Variants in HECTD4 observed in about 807,000 individuals in gnomAD.
The protein encoded by HECTD4 is probable E3 ubiquitin-protein ligase HECTD4.
Under a neutral mutation model 471.5 loss-of-function variants are expected in HECTD4, and 114 were observed. That is an observed-to-expected ratio of 0.24 (90% CI 0.21 to 0.28). The LOEUF (loss-of-function observed/expected upper bound fraction) is 0.28, where lower values mean the gene tolerates loss of function less well. HECTD4 is among the 10% of genes least tolerant of loss of function. HECTD4 has a pLI of 1.00. For synonymous variants in HECTD4, 2,012 were observed against 2,256.0 expected (o/e 0.89, Z 3.07); for missense variants, 3,866 against 5,651.5 (o/e 0.68, Z 10.13).
intron 45 of HECTD4, among the ~76,000 whole-genome samples, chr12:112,217,670 T>A (rs960081246): frequency 2.0e-5 from 3 of 152,254 alleles, no homozygotes; most frequent in Non-Finnish European, 2.9e-5. Context: ...ATATATTTTT[T>A]AAAAAGTGTA....
intron 20 of HECTD4, 59 bp downstream of exon 20, chr12:112,258,437 T>C: frequency 8.1e-7 from 1 of 1,228,858 alleles, no homozygotes; most frequent in Non-Finnish European, 1.1e-6. Context: ...AAAGGAGTAC[T>C]ACGCTTTCAC....
chr12:112,381,926 C>T lies in HECTD4; in HGVS notation c.177+26G>A. 1 of 1,220,220 alleles carries T rather than the reference C, an allele frequency of 8.2e-7. No homozygotes were observed. Among genetic ancestry groups the T allele is most frequent in the South Asian group, 4.1e-5 (1 of 24,212 alleles). The allele number at this position is 1,220,220 out of a possible 1,614,324, so 75.6% of individuals were successfully genotyped here. A position where few individuals can be genotyped will look rare whatever the true frequency, so the allele number is the denominator to read the frequency against. ...CCGGGCGAGTGGGTCAGTCCGATGG[C>T]GGGGGCCGGGGGCCGCCTCGCTCAC... is the stretch of plus-strand genomic sequence containing the variant. On this transcript the variant is annotated intron_variant, in intron 1 of 75. Transcript: ENST00000682272. The surrounding 1 kb of genome is among the most constrained non-coding windows in gnomAD (Gnocchi z 4.1).
intron 6 of HECTD4, among the ~76,000 whole-genome samples, chr12:112,308,346 T>G (rs2035305822): frequency 6.6e-6 from 1 of 151,786 alleles, no homozygotes; most frequent in Admixed American, 6.6e-5. Context: ...TACACTCATT[T>G]CAAAGCTCCC....
intron 1 of HECTD4, among the ~76,000 whole-genome samples, chr12:112,323,978 CT>C (rs1224047981): frequency 5.4e-5 from 1 of 18,362 alleles, no homozygotes; most frequent in Non-Finnish European, 8.8e-5. Context: ...TCCTTCCTTC[CT>C]TCCTTCCTTC....
At position 112,228,238 on chromosome 12, in the gene HECTD4, C is replaced by T; in HGVS notation, c.6705G>A (p.Leu2235=). 1 of 1,607,078 alleles carries T rather than the reference C, an allele frequency of 6.2e-7. No individual in the cohort carries two copies. Among genetic ancestry groups the T allele is most frequent in the Non-Finnish European group, 8.5e-7 (1 of 1,177,706 alleles). Residue 2235 remains leucine (L), a synonymous_variant, in exon 43 of 76, where the codon CTG becomes CTA. Transcript: ENST00000682272. The surrounding 1 kb of genome is among the most constrained non-coding windows in gnomAD (Gnocchi z 4.9). The stretch of plus-strand genomic sequence containing the variant: ...CCTGTACTACCTTCTCAGTAATGGA[C>T]AGTTTATGAAGAGGCAATGCCTGAT... ...PRSEALPLHK[L]SITEKVVQAV... is the part of the protein sequence containing the mutation.
Position 112,256,406 on chromosome 12 carries a change from A to C in HECTD4, c.3241T>G (p.Phe1081Val). ...TVHPVRDNYKFKETVHIPGAR... is the reference protein window; with the variant it reads ...TVHPVRDNYKVKETVHIPGAR... ...CCTGGGATATGGACCGTTTCTTTAAATTTATAGTTGTCTCTGACGGGGTGG... is the reference window on the plus strand; with the variant it reads ...CCTGGGATATGGACCGTTTCTTTAACTTTATAGTTGTCTCTGACGGGGTGG... Residue 1081 changes from phenylalanine to valine, a missense_variant, in exon 21 of 76, where the codon TTT becomes GTT. Transcript: ENST00000682272. 1 of 1,613,300 alleles carries C rather than the reference A, an allele frequency of 6.2e-7. No homozygotes were observed.
chr12:112,330,047 T>C (rs77502429), intron 1 of HECTD4, among the ~76,000 whole-genome samples: 23,743 of 151,902 alleles, frequency 0.16, 2,494 homozygotes, highest in African/African-American at 0.3. Flanking sequence ...GAGGCCAAGG[T>C]GGGCAGATCA....
intron 1 of HECTD4, among the ~76,000 whole-genome samples, chr12:112,356,719 C>A (rs2036345224): frequency 6.6e-6 from 1 of 152,156 alleles, no homozygotes. Context: ...AGGCATGAGC[C>A]ACCAGGTCAG....
In HECTD4 at chr12:112,247,480, T is replaced by C. The variant is rs767376639; in HGVS notation, c.4319A>G (p.Asn1440Ser). Residue 1440 changes from asparagine (N) to serine (S), a missense_variant, in exon 28 of 76, where the codon AAC becomes AGC. Around this residue, in one of 16 missense-constraint regions of HECTD4, gnomAD observed 281 missense variants for 499.9 expected, o/e 0.56. Transcript: ENST00000682272. The stretch of plus-strand genomic sequence containing the variant: ...GACTAACCTCAGTGATAGGACCATG[T>C]TTTCAAGATCATTCCCATCAAAGGA... ...EVSFDGNDLENMVLSLREKFL... is the reference protein window; with the variant it reads ...EVSFDGNDLESMVLSLREKFL... 66 of 1,535,714 alleles carry C rather than the reference T, an allele frequency of 4.3e-5. No individual in the cohort carries two copies. The highest frequency in any genetic ancestry group is 5.5e-5 in the Non-Finnish European group (63 of 1,135,476).
At chr12:112,242,595 C>G (rs2033664397) in intron 32 of HECTD4, among the ~76,000 whole-genome samples, 1 of 143,694 alleles carries the variant, frequency 7.0e-6, no homozygotes, top group African/African-American at 2.6e-5. Context: ...GCCTGGGTGA[C>G]AGAACGAGAA....
At chr12:112,266,762 G>T (rs1020149413) in intron 14 of HECTD4, 150 bp downstream of exon 14, 2 of 622,828 alleles carry the variant, frequency 3.2e-6, no homozygotes, top group African/African-American at 3.8e-5. Flanking sequence ...GATTACAGGT[G>T]TGAGCCACCG....
chr12:112,346,520 T>G (rs1005785852), intron 1 of HECTD4, among the ~76,000 whole-genome samples: 5 of 152,186 alleles, frequency 3.3e-5, no homozygotes, highest in Admixed American at 1.3e-4. Flanking sequence ...ATAAACTGGC[T>G]CTCATTGCAA....
intron 58 of HECTD4, 24 bp from the exon 59 acceptor site, chr12:112,192,789 G>T (rs1308858748): frequency 2.6e-6 from 4 of 1,538,554 alleles, no homozygotes; most frequent in Non-Finnish European, 3.5e-6. Flanking sequence ...ATGGGTGGGT[G>T]TTAATACAGG....
chr12:112,367,326 GA>G (rs2036583269), intron 1 of HECTD4, among the ~76,000 whole-genome samples: 1 of 149,622 alleles, frequency 6.7e-6, no homozygotes, highest in East Asian at 2.0e-4. Flanking sequence ...AAGAAAGAAA[GA>G]AAGAAAGAAA....
chr12:112,262,002 A>T (rs1358149898), intron 17 of HECTD4: 1 of 152,304 alleles, frequency 6.6e-6, no homozygotes, highest in Non-Finnish European at 1.5e-5. Context: ...CAGGCTATTA[A>T]ACATTAAAAT....
At chr12:112,367,257 C>A in intron 1 of HECTD4, among the ~76,000 whole-genome samples, 1 of 148,128 alleles carries the variant, frequency 6.8e-6, no homozygotes. Context: ...CGAGATTGTG[C>A]CACTGCACTC....
intron 1 of HECTD4, among the ~76,000 whole-genome samples, chr12:112,323,649 G>C (rs1240827855): frequency 6.6e-6 from 1 of 151,980 alleles, no homozygotes; most frequent in Non-Finnish European, 1.5e-5. Flanking sequence ...CCGGGGTTTA[G>C]GGGTAAGGGG....
chr12:112,237,285 TG>T (rs1329309571), intron 34 of HECTD4, among the ~76,000 whole-genome samples, 187 bp from the exon 35 acceptor site: 2 of 152,138 alleles, frequency 1.3e-5, no homozygotes, highest in African/African-American at 2.4e-5. Context: ...TAACTCAATG[TG>T]GGGGGTAGAC....
intron 1 of HECTD4, among the ~76,000 whole-genome samples, chr12:112,355,442 CCG>C (rs1437902948): frequency 6.7e-6 from 1 of 148,788 alleles, no homozygotes; most frequent in South Asian, 2.1e-4. Context: ...GCCTGGGCGA[CCG>C]AGCAAGAGAC....
Sources: gnomAD v4.1 joint callset for allele counts (sites outside exome capture counted in the v4.1 genomes callset) on GRCh38, gnomAD v4.1.1 for gene constraint, gnomAD v4.1.1 regional missense constraint, Gnocchi (gnomAD v3.1) non-coding constraint, MANE v1.5 for transcripts, NCBI Gene and HGNC (gene_info 2026-07-23, HGNC 2026-07-21) for gene names.